The following IQSEC1 variants were observed in gnomAD, a reference collection of about 807,000 sequenced individuals.
IQSEC1 encodes the protein IQ motif and SEC7 domain-containing protein 1.
IQSEC1 carries 31 observed loss-of-function variants against 91.0 expected under a neutral mutation model. The observed-to-expected ratio is 0.34, with a 90% CI of 0.26 to 0.46. IQSEC1 has a LOEUF of 0.46. IQSEC1 is among the 20% of genes least tolerant of loss of function. IQSEC1 has a pLI of 1.00. For missense variants in IQSEC1, 1,388 were observed against 1,575.6 expected, an observed-to-expected ratio of 0.88 and a Z score of 2.02; for synonymous variants, 699 against 662.6, an observed-to-expected ratio of 1.05 and a Z score of -0.84.
intron 1 of IQSEC1, among the ~76,000 whole-genome samples, chr3:13,228,472 C>T (rs917004382): frequency 2.0e-5 from 3 of 152,168 alleles, no homozygotes; most frequent in African/African-American, 4.8e-5. Flanking sequence ...ACAGCAGGCA[C>T]CAAATGCGTG....
At chr3:13,227,057 G>C (rs1444957588) in intron 1 of IQSEC1, among the ~76,000 whole-genome samples, 1 of 152,040 alleles carries the variant, frequency 6.6e-6, no homozygotes, top group Non-Finnish European at 1.5e-5. Flanking sequence ...AGTCCAGCCT[G>C]GGGGACAGAG....
chr3:12,952,782 C>T (rs1699642590), intron 1 of IQSEC1, among the ~76,000 whole-genome samples: 1 of 152,204 alleles, frequency 6.6e-6, no homozygotes, highest in South Asian at 2.1e-4. Flanking sequence ...GCCTGGCTCC[C>T]TCCCTCACTC....
At chr3:13,264,383 G>C (rs693034) in intron 1 of IQSEC1, among the ~76,000 whole-genome samples, 118,529 of 152,156 alleles carry the variant, frequency 0.78, 47,074 homozygotes, top group East Asian at 1. Flanking sequence ...CAGAAGGGCG[G>C]ACACGGTGAA....
upstream of IQSEC1, among the ~76,000 whole-genome samples, chr3:13,073,606 C>T (rs1343480100): frequency 2.0e-5 from 3 of 152,238 alleles, no homozygotes; most frequent in Non-Finnish European, 4.4e-5. Context: ...GCGCGGGGCG[C>T]CGGCCCCTTC....
chr3:13,093,417 GC>G (rs1216996176), intron 2 of IQSEC1, among the ~76,000 whole-genome samples: 1 of 152,064 alleles, frequency 6.6e-6, no homozygotes, highest in Non-Finnish European at 1.5e-5. Flanking sequence ...TCCTCACCGG[GC>G]CCCAGGGGAG....
chr3:13,244,379 C>A (rs919735884), intron 1 of IQSEC1, among the ~76,000 whole-genome samples: 1 of 152,158 alleles, frequency 6.6e-6, no homozygotes, highest in Admixed American at 6.5e-5. Context: ...CGCTCCTCTA[C>A]AAAAGTGCAG....
intron 2 of IQSEC1, among the ~76,000 whole-genome samples, chr3:13,095,521 C>A (rs1489681129): frequency 3.3e-5 from 5 of 152,124 alleles, no homozygotes; most frequent in Non-Finnish European, 7.4e-5. Flanking sequence ...CCAGCGCCTC[C>A]TCAGAGGCCG....
chr3:12,916,150 C>T (rs140392607), intron 6 of IQSEC1, among the ~76,000 whole-genome samples: 91 of 152,318 alleles, frequency 6.0e-4, no homozygotes, highest in African/African-American at 2.2e-3. Context: ...CCTGGGGCCA[C>T]GTCCTACTTT....
chr3:13,228,483 G>A (rs1372918066), intron 1 of IQSEC1, among the ~76,000 whole-genome samples: 4 of 152,234 alleles, frequency 2.6e-5, no homozygotes, highest in Non-Finnish European at 5.9e-5. Context: ...CAAATGCGTG[G>A]TGAATGGGAG....
intron 1 of IQSEC1, among the ~76,000 whole-genome samples, chr3:13,223,595 C>T (rs767806293): frequency 1.8e-4 from 27 of 152,194 alleles, no homozygotes; most frequent in Non-Finnish European, 3.4e-4. Context: ...AAACTGGCCT[C>T]CCAGGTCCTC....
chr3:12,911,597 C>T, intron 10 of IQSEC1, 32 bp downstream of exon 10: 1 of 1,509,568 alleles, frequency 6.6e-7, no homozygotes, highest in South Asian at 1.1e-5. Context: ...GGGACATGCG[C>T]TCTTCCAGGC....
intron 1 of IQSEC1, among the ~76,000 whole-genome samples, chr3:13,005,257 C>T (rs1702585364): frequency 6.6e-6 from 1 of 152,122 alleles, no homozygotes; most frequent in Non-Finnish European, 1.5e-5. Flanking sequence ...ATGGAGTTCC[C>T]ATACTTCACG....
In IQSEC1 at chr3:12,901,201, G is replaced by C; in HGVS notation, c.3127C>G (p.His1043Asp). 6.5e-7 allele frequency: 1 copy of C among 1,545,448 alleles called. No homozygotes were observed. Among genetic ancestry groups the C allele is most frequent in the Non-Finnish European group, 8.7e-7 (1 of 1,144,262 alleles). The change falls in exon 14 of 14, where the codon CAC becomes GAC. Residue 1043 changes from histidine (H) to aspartate (D), a missense_variant. Around this residue, in one of 2 missense-constraint regions of IQSEC1, gnomAD observed 329 missense variants for 257.8 expected, o/e 1.28. Coordinates refer to ENST00000613206, the MANE Select transcript of IQSEC1 (RefSeq NM_001134382.3). ...HMQNPPPYHH[H>D]HHHHPPQHIQ... The stretch of plus-strand genomic sequence containing the variant: ...TGCTGGGGTGGGTGGTGGTGGTGGT[G>C]ATGGTGGTACGGGGGAGGGTTCTGC...
At chr3:13,123,714 G>C (rs1195310708) in intron 2 of IQSEC1, among the ~76,000 whole-genome samples, 2 of 152,206 alleles carry the variant, frequency 1.3e-5, no homozygotes, top group Non-Finnish European at 2.9e-5. Context: ...GGTGAAGCAG[G>C]TTGCTCAGGA....
intron 2 of IQSEC1, among the ~76,000 whole-genome samples, chr3:13,122,288 G>A (rs565613259): frequency 5.9e-5 from 9 of 152,388 alleles, no homozygotes; most frequent in African/African-American, 1.9e-4. Context: ...GCAAAGGCCC[G>A]GGACAGGGAG....
Position 12,970,988 on chromosome 3 carries a change from A to G in IQSEC1, c.24-29123T>C, listed in dbSNP as rs992081832. On this transcript the variant is annotated intron_variant, in intron 1 of 13. Transcript: ENST00000613206. This position sits in a 1 kb window ranked among gnomAD's most constrained non-coding sequence, Gnocchi z 4.4. ...AAACTATGGCCTGAGAGCCAAGTCC[A>G]GCCTGCTGCCTGTTTTTTTAAAATA... 1.3e-5 allele frequency among the ~76,000 whole-genome samples: 2 copies of G among 152,232 alleles called. No individual in the cohort carries two copies. Among genetic ancestry groups the G allele is most frequent in the African/African-American group, 4.8e-5 (2 of 41,462 alleles).
At chr3:13,234,169 TG>T (rs1258894491) in intron 1 of IQSEC1, among the ~76,000 whole-genome samples, 1 of 152,216 alleles carries the variant, frequency 6.6e-6, no homozygotes, top group African/African-American at 2.4e-5. Flanking sequence ...AGTGTCTATG[TG>T]GGTCTGTGGG....
chr3:12,899,497 G>GGAGC lies in IQSEC1; in HGVS notation c.*1482_*1485dup. Reference sequence around the variant, plus strand: ...CTGCCGCGTGCAGGTCTGGCCCTGGGGAGCGCATGGTGTCACCACAACACA... The same window carrying GGAGC: ...CTGCCGCGTGCAGGTCTGGCCCTGGGGAGCGAGCGCATGGTGTCACCACAACACA... On this transcript the variant is annotated 3_prime_UTR_variant, in exon 14 of 14. Coordinates refer to ENST00000613206, the MANE Select transcript of IQSEC1 (RefSeq NM_001134382.3). The GGAGC allele has an allele frequency of 6.4e-7, 1 of 1,574,142 alleles. No individual in the cohort carries two copies. Among genetic ancestry groups the GGAGC allele is most frequent in the Non-Finnish European group, 8.6e-7 (1 of 1,158,930 alleles).
chr3:13,133,913 T>C (rs1706665060), intron 2 of IQSEC1, among the ~76,000 whole-genome samples: 1 of 152,124 alleles, frequency 6.6e-6, no homozygotes, highest in Non-Finnish European at 1.5e-5. Context: ...GTGGGGTTGG[T>C]AGGCATTTGC....
Sources: allele counts gnomAD v4.1 joint callset (sites outside exome capture counted in the v4.1 genomes callset), GRCh38; gene constraint gnomAD v4.1.1; regional missense constraint gnomAD v4.1.1; non-coding constraint Gnocchi (gnomAD v3.1); transcripts MANE v1.5; gene names NCBI Gene and HGNC (gene_info 2026-07-23, HGNC 2026-07-21).